WT1: variants seen among roughly 807,000 people sequenced by gnomAD.
WT1 encodes the protein WT1 transcription factor, also known as Wilms tumor protein.
A neutral mutation model predicts 60.8 loss-of-function variants in WT1; 8 were observed. The observed-to-expected ratio is 0.13, with a 90% confidence interval of 0.08 to 0.24. The LOEUF is 0.24. Ranked by LOEUF, WT1 falls within the 10% of genes least tolerant of loss-of-function variation. The pLI is 1.00. For synonymous variants in WT1, 312 were observed against 297.1 expected (o/e 1.05, Z -0.52); for missense variants, 568 against 711.8 (o/e 0.80, Z 2.30).
intron 4 of WT1, among the ~76,000 whole-genome samples, 181 bp from the exon 5 acceptor site, chr11:32,416,721 G>A (rs755958200): frequency 2.6e-5 from 4 of 152,216 alleles, no homozygotes; most frequent in South Asian, 2.1e-4. Flanking sequence ...AGGCACCACC[G>A]GAGGCTGCAA....
chr11:32,433,964 G>A (rs1853395508), intron 1 of WT1, among the ~76,000 whole-genome samples: 1 of 152,226 alleles, frequency 6.6e-6, no homozygotes, highest in African/African-American at 2.4e-5. Context: ...GTAGAACCTG[G>A]TCCCGCATAG....
Position 32,416,473 on chromosome 11 carries a change from C to T in WT1, c.1016+17G>A. The T allele has an allele frequency of 6.2e-7, 1 of 1,614,082 alleles. No individual in the cohort carries two copies. Among genetic ancestry groups the T allele is most frequent in the East Asian group, 2.2e-5 (1 of 44,878 alleles). On this transcript the variant is annotated intron_variant, in intron 5 of 9. Coordinates refer to ENST00000452863, the MANE Select transcript of WT1 (RefSeq NM_024426.6). ...GCCTACGCCATTTGCTTTGCCATCT[C>T]CGCATTGTCCACTCACTTGCTCTGC...
intron 1 of WT1, among the ~76,000 whole-genome samples, chr11:32,431,444 T>G (rs985784882): frequency 2.3e-4 from 24 of 105,240 alleles, no homozygotes; most frequent in African/African-American, 1.1e-3. Context: ...CTTTTTTTTT[T>G]TTTTTTTTCC....
At chr11:32,406,621 CA>C (rs777180705) in intron 5 of WT1, among the ~76,000 whole-genome samples, 26 of 147,482 alleles carry the variant, frequency 1.8e-4, no homozygotes, top group African/African-American at 2.0e-4. Flanking sequence ...TACCCTCCAC[CA>C]AAAAAAAAAT....
chr11:32,416,417 T>C, intron 5 of WT1, 73 bp downstream of exon 5: 1 of 1,595,994 alleles, frequency 6.3e-7, no homozygotes, highest in South Asian at 1.1e-5. Context: ...CAGTCCTAAC[T>C]CCTGCATTGC....
intron 1 of WT1, among the ~76,000 whole-genome samples, chr11:32,433,966 C>T (rs899712491): frequency 1.3e-5 from 2 of 152,260 alleles, no homozygotes; most frequent in Non-Finnish European, 2.9e-5. Context: ...AGAACCTGGT[C>T]CCGCATAGCT....
At chr11:32,396,229 C>T (rs1851964934) in intron 7 of WT1, 28 bp downstream of exon 7, 3 of 1,614,012 alleles carry the variant, frequency 1.9e-6, no homozygotes, top group African/African-American at 1.3e-5. Flanking sequence ...ACCATGTTTG[C>T]CCAAGACTGG....
chr11:32,408,514 T>TAAAAAAAAAAAAAAAAAA (rs58685266), intron 5 of WT1, among the ~76,000 whole-genome samples: 10 of 74,234 alleles, frequency 1.3e-4, no homozygotes, highest in Non-Finnish European at 2.0e-4. Context: ...GACTACGTCT[T>TAAAAAAAAAAAAAAAAAA]AAAAAAAAAA....
intron 6 of WT1, among the ~76,000 whole-genome samples, chr11:32,396,955 C>A (rs1391909942): frequency 6.6e-6 from 1 of 152,216 alleles, no homozygotes; most frequent in Non-Finnish European, 1.5e-5. Flanking sequence ...ATTTGGGGAT[C>A]CCATCTGTGA....
At chr11:32,389,289 T>C in intron 9 of WT1, 110 bp from the exon 10 acceptor site, 1 of 1,580,570 alleles carries the variant, frequency 6.3e-7, no homozygotes, top group Non-Finnish European at 8.6e-7. Flanking sequence ...GAATTTCCCA[T>C]CATTCTGTCC....
intron 5 of WT1, among the ~76,000 whole-genome samples, chr11:32,411,879 T>C (rs5030229): frequency 0.01 from 1,523 of 151,312 alleles, 26 homozygotes; most frequent in African/African-American, 0.035. Context: ...AAGGCAATAA[T>C]AAAGAAAAAA....
At chr11:32,392,859 G>C in intron 7 of WT1, 104 bp from the exon 8 acceptor site, 1 of 1,004,064 alleles carries the variant, frequency 1.0e-6, no homozygotes, top group Non-Finnish European at 1.5e-6. Context: ...AATGCCTAAG[G>C]CACTTCGCTG....
intron 3 of WT1, among the ~76,000 whole-genome samples, chr11:32,423,878 A>T (rs1379154211): frequency 6.6e-6 from 1 of 152,242 alleles, no homozygotes. Context: ...AAAGTGATAC[A>T]TTGGCCTGGT....
intron 1 of WT1, among the ~76,000 whole-genome samples, chr11:32,429,455 C>T (rs1238734348): frequency 7.7e-6 from 1 of 129,122 alleles, no homozygotes; most frequent in Non-Finnish European, 1.6e-5. Flanking sequence ...TAGGGAAATC[C>T]TAGCATTCCC....
At chr11:32,407,283 G>GC (rs1852344007) in intron 5 of WT1, among the ~76,000 whole-genome samples, 1 of 152,064 alleles carries the variant, frequency 6.6e-6, no homozygotes, top group Non-Finnish European at 1.5e-5. Context: ...ACTTAACATT[G>GC]CAAGAGTGGC....
intron 7 of WT1, among the ~76,000 whole-genome samples, chr11:32,393,575 C>T (rs777866940): frequency 1.3e-5 from 2 of 152,200 alleles, no homozygotes; most frequent in Non-Finnish European, 2.9e-5. Context: ...AAAGGCAGCC[C>T]CCTGTTACCT....
At chr11:32,397,784 A>C (rs1057190270) in intron 6 of WT1, among the ~76,000 whole-genome samples, 1 of 152,210 alleles carries the variant, frequency 6.6e-6, no homozygotes, top group Non-Finnish European at 1.5e-5. Flanking sequence ...TAAATGCTGC[A>C]GTGACATACA....
chr11:32,435,323 C>T lies in WT1; in HGVS notation c.38G>A (p.Cys13Tyr), dbSNP rs1416588673. ...GTGCTGAGACGCCGGCTCCGGGACA[C>T]ACGTGGAAGCCGGGTCCTGCAGCAA... The change falls in exon 1 of 10, where the codon TGT becomes TAT. Residue 13 changes from cysteine (C) to tyrosine (Y), a missense_variant. Cys to Tyr is a radical substitution (Grantham distance 194). Coordinates refer to ENST00000452863, the MANE Select transcript of WT1 (RefSeq NM_024426.6). 1 of 1,532,390 alleles carries T rather than the reference C, an allele frequency of 6.5e-7. No individual in the cohort carries two copies. Among genetic ancestry groups the T allele is most frequent in the Admixed American group, 2.0e-5 (1 of 50,930 alleles). The allele number at this position is 1,532,390 out of a possible 1,614,324, so 94.9% of individuals were successfully genotyped here.
chr11:32,414,122 G>A (rs770648035), intron 5 of WT1, among the ~76,000 whole-genome samples: 1 of 152,234 alleles, frequency 6.6e-6, no homozygotes, highest in Non-Finnish European at 1.5e-5. Context: ...TACAGTGTGA[G>A]AGAAGATGGT....
Sources: gnomAD v4.1 joint callset for allele counts (sites outside exome capture counted in the v4.1 genomes callset) on GRCh38, gnomAD v4.1.1 for gene constraint, MANE v1.5 for transcripts, NCBI Gene and HGNC (gene_info 2026-07-23, HGNC 2026-07-21) for gene names.